The following LRBA variants were observed in gnomAD, a reference collection of about 807,000 sequenced individuals.
The protein encoded by LRBA is LPS responsive beige-like anchor protein.
Under a neutral mutation model 330.0 loss-of-function variants are expected in LRBA, and 176 were observed. The observed-to-expected ratio is 0.53, with a 90% CI of 0.47 to 0.60. The LOEUF is 0.60. LRBA is among the 20% of genes least tolerant of loss of function. LRBA has a pLI of 0.00. For synonymous variants in LRBA, 1,230 were observed against 1,193.0 expected (o/e 1.03, Z -0.64); for missense variants, 3,259 against 3,444.8 (o/e 0.95, Z 1.35).
intron 47 of LRBA, among the ~76,000 whole-genome samples, chr4:150,414,647 C>T (rs543123370): frequency 6.6e-6 from 1 of 152,178 alleles, no homozygotes; most frequent in African/African-American, 2.4e-5. Context: ...CCTGCCACCA[C>T]ATCCGGCTAA....
intron 2 of LRBA, among the ~76,000 whole-genome samples, chr4:150,929,460 C>T (rs527262225): frequency 2.0e-5 from 3 of 152,118 alleles, no homozygotes; most frequent in African/African-American, 7.2e-5. Flanking sequence ...TATGAGCTCA[C>T]GGTAAAACTG....
chr4:150,490,333 A>G (rs1758755720), intron 41 of LRBA, among the ~76,000 whole-genome samples: 1 of 151,810 alleles, frequency 6.6e-6, no homozygotes, highest in African/African-American at 2.4e-5. Context: ...ACCTCCACCC[A>G]TACCAAATGA....
chr4:150,737,983 CTTTTTTT>C lies in LRBA; in HGVS notation c.5646-2624_5646-2618del, dbSNP rs774453122. Among the ~76,000 whole-genome samples, 16 of 112,156 alleles carry C rather than the reference CTTTTTTT, an allele frequency of 1.4e-4. No individual in the cohort carries two copies. In the South Asian group the frequency reaches 3.9e-3, roughly 27 times the overall value. 73.6% of individuals were successfully genotyped at this position (112,156 alleles called of 152,430 possible). ...CCTCAAGTCACATTTTTCTCTGAAT[CTTTTTTT>C]TTTTTTTTTTTTTTTTTCTGAGACG... On this transcript the variant is annotated intron_variant, in intron 35 of 56. Transcript: ENST00000651943.
At chr4:150,622,635 C>T (rs1251436119) in intron 37 of LRBA, among the ~76,000 whole-genome samples, 2 of 150,992 alleles carry the variant, frequency 1.3e-5, no homozygotes, top group Non-Finnish European at 2.9e-5. Context: ...GAGCTTCAGC[C>T]TAAAGGCAAC....
intron 34 of LRBA, among the ~76,000 whole-genome samples, chr4:150,786,254 CTTTTT>C: frequency 7.3e-6 from 1 of 137,132 alleles, no homozygotes; most frequent in African/African-American, 2.7e-5. Flanking sequence ...TTTTGCATTT[CTTTTT>C]TTTTTTTTTT....
chr4:150,785,744 A>G (rs939305344), intron 34 of LRBA, among the ~76,000 whole-genome samples: 11 of 152,366 alleles, frequency 7.2e-5, no homozygotes, highest in African/African-American at 2.4e-4. Flanking sequence ...ACAGAACTAG[A>G]TTAACTACTA....
At position 150,906,283 on chromosome 4, in the gene LRBA, A is replaced by C. The variant is rs1384140067; in HGVS notation, c.1602+14T>G. On this transcript the variant is annotated intron_variant, in intron 12 of 56. Coordinates refer to ENST00000651943, the MANE Select transcript of LRBA (RefSeq NM_001364905.1). ...AAATTAAGAATCAAAAACATAAAATATTTCATACTTTACCTTTTCAAGGCT... is the reference window on the plus strand; with the variant it reads ...AAATTAAGAATCAAAAACATAAAATCTTTCATACTTTACCTTTTCAAGGCT... 1 of 1,478,536 alleles carries C rather than the reference A, an allele frequency of 6.8e-7. No homozygotes were observed. 91.6% of individuals were successfully genotyped at this position (1,478,536 alleles called of 1,614,324 possible).
At chr4:150,741,188 C>T (rs1028550937) in intron 35 of LRBA, among the ~76,000 whole-genome samples, 46 of 152,044 alleles carry the variant, frequency 3.0e-4, no homozygotes, top group African/African-American at 1.1e-3. Context: ...AATTTAAAGA[C>T]TTGTGCTTAT....
intron 47 of LRBA, among the ~76,000 whole-genome samples, chr4:150,407,823 A>G (rs1043279998): frequency 1.3e-5 from 2 of 152,166 alleles, no homozygotes; most frequent in Non-Finnish European, 2.9e-5. Flanking sequence ...CAAGAAAGAA[A>G]CCACAAGAAT....
intron 30 of LRBA, among the ~76,000 whole-genome samples, chr4:150,824,754 A>T (rs1745979998): frequency 6.6e-6 from 1 of 152,164 alleles, no homozygotes; most frequent in African/African-American, 2.4e-5. Flanking sequence ...CCCAGAATAA[A>T]TCCCACTCAT....
At chr4:150,277,504 A>G (rs1293334375) in intron 56 of LRBA, among the ~76,000 whole-genome samples, 1 of 152,140 alleles carries the variant, frequency 6.6e-6, no homozygotes, top group African/African-American at 2.4e-5. Flanking sequence ...CTATTCCTTG[A>G]GAACTCAGCC....
At chr4:150,849,924 C>A (rs1167305479) in intron 24 of LRBA, among the ~76,000 whole-genome samples, 3 of 152,096 alleles carry the variant, frequency 2.0e-5, no homozygotes, top group African/African-American at 7.2e-5. Context: ...AATGAATTTT[C>A]TTCTGTAATG....
In LRBA at chr4:150,282,552, T is replaced by C. The variant is rs1747675204; in HGVS notation, c.8214A>G (p.Ser2738=). ...NCLKPKLIQA[S]REGHCVIFYE... ...AGAATATGACACAATGACCCTCTCT[T>C]GAAGCCTGAATGAGTTTTGGTTTCA... The change falls in exon 55 of 57, where the codon TCA becomes TCG. Residue 2738 remains serine (S), a synonymous_variant. Transcript: ENST00000651943. The C allele has an allele frequency of 6.2e-7, 1 of 1,614,154 alleles. No homozygotes were observed.
intron 2 of LRBA, among the ~76,000 whole-genome samples, chr4:150,960,845 A>G (rs1738060962): frequency 6.7e-6 from 1 of 149,664 alleles, no homozygotes; most frequent in Non-Finnish European, 1.5e-5. Flanking sequence ...TCATAAAATT[A>G]GTAGTTTCAG....
chr4:150,562,170 G>A (rs1378285952), intron 40 of LRBA, among the ~76,000 whole-genome samples: 1 of 152,086 alleles, frequency 6.6e-6, no homozygotes, highest in African/African-American at 2.4e-5. Context: ...AAATACATGA[G>A]GCTATTCAAT....
intron 4 of LRBA, among the ~76,000 whole-genome samples, 163 bp from the exon 5 acceptor site, chr4:150,921,456 T>C (rs776140084): frequency 6.6e-6 from 1 of 152,204 alleles, no homozygotes; most frequent in Non-Finnish European, 1.5e-5. Context: ...AAAGAAATAA[T>C]GTACTCTACA....
At chr4:150,609,580 T>C (rs1294852525) in intron 37 of LRBA, among the ~76,000 whole-genome samples, 3 of 152,222 alleles carry the variant, frequency 2.0e-5, no homozygotes, top group Non-Finnish European at 4.4e-5. Flanking sequence ...GATTTCTTAT[T>C]ACTTGCCTTT....
chr4:150,333,156 T>G (rs1413877077), intron 48 of LRBA, among the ~76,000 whole-genome samples: 1 of 152,176 alleles, frequency 6.6e-6, no homozygotes, highest in African/African-American at 2.4e-5. Context: ...TTAGTCTCTC[T>G]GACCTAGGCT....
intron 13 of LRBA, 97 bp downstream of exon 13, chr4:150,905,741 G>T: frequency 9.3e-7 from 1 of 1,076,258 alleles, no homozygotes; most frequent in Non-Finnish European, 1.3e-6. Context: ...TTGCATAATA[G>T]TACATAAAAA....
Sources: gnomAD v4.1 joint callset for allele counts (sites outside exome capture counted in the v4.1 genomes callset) on GRCh38, gnomAD v4.1.1 for gene constraint, MANE v1.5 for transcripts, NCBI Gene and HGNC (gene_info 2026-07-23, HGNC 2026-07-21) for gene names.